The following TRHDE variants were observed in gnomAD, a reference collection of about 807,000 sequenced individuals.
TRHDE encodes the protein thyrotropin releasing hormone degrading enzyme.
Under a neutral mutation model 125.7 loss-of-function variants are expected in TRHDE, and 72 were observed. That is an observed-to-expected ratio of 0.57 (90% CI 0.47 to 0.70). The LOEUF (loss-of-function observed/expected upper bound fraction) is 0.70, where lower values mean the gene tolerates loss of function less well. Ranked by LOEUF, TRHDE falls within the 30% of genes least tolerant of loss-of-function variation. The pLI is 0.00. For missense variants in TRHDE, 1,110 were observed against 1,327.1 expected, an observed-to-expected ratio of 0.84 and a Z score of 2.54; for synonymous variants, 509 against 509.1, an observed-to-expected ratio of 1.00 and a Z score of 0.00.
chr12:72,218,695 C>T (rs969938493), intron 2 of TRHDE, among the ~76,000 whole-genome samples: 3 of 152,098 alleles, frequency 2.0e-5, no homozygotes, highest in Non-Finnish European at 4.4e-5. Flanking sequence ...GTTTTTACTG[C>T]ATACACATAA....
At chr12:72,475,927 GT>G in intron 5 of TRHDE, among the ~76,000 whole-genome samples, 1 of 151,826 alleles carries the variant, frequency 6.6e-6, no homozygotes, top group Non-Finnish European at 1.5e-5. Context: ...TTGTTTTTGT[GT>G]TTTTTTGAGA....
chr12:72,512,143 T>C (rs1270106610), intron 6 of TRHDE, among the ~76,000 whole-genome samples: 1 of 151,924 alleles, frequency 6.6e-6, no homozygotes, highest in Non-Finnish European at 1.5e-5. Flanking sequence ...GGTGATCTCA[T>C]GATATGAGAA....
At chr12:72,433,542 A>G (rs779975951) in intron 3 of TRHDE, among the ~76,000 whole-genome samples, 15 of 151,858 alleles carry the variant, frequency 9.9e-5, no homozygotes, top group Non-Finnish European at 1.6e-4. Flanking sequence ...AGAAAAGGCA[A>G]TTAGGAACTC....
In TRHDE at chr12:72,107,091, A is replaced by G. The variant is rs1389760480; in HGVS notation, n.279+1339A>G. On this transcript the variant is annotated intron_variant and non_coding_transcript_variant, in intron 2 of 4. Transcript: ENST00000548156. Reference sequence around the variant, plus strand: ...TACTCATATTCTAAGTTTTATCTAAATGAATAGTAATGACATGTCTATTTT... The same window carrying G: ...TACTCATATTCTAAGTTTTATCTAAGTGAATAGTAATGACATGTCTATTTT... Among the ~76,000 whole-genome samples, 4 of 152,262 alleles carry G rather than the reference A, an allele frequency of 2.6e-5. No homozygotes were observed. In the East Asian group the frequency reaches 7.7e-4, roughly 29 times the overall value.
intron 8 of TRHDE, among the ~76,000 whole-genome samples, chr12:72,562,434 C>T (rs1467875052): frequency 6.6e-6 from 1 of 151,526 alleles, no homozygotes; most frequent in Non-Finnish European, 1.5e-5. Context: ...GTAAATGATA[C>T]CTCACCTACT....
chr12:72,153,921 G>C (rs1480589403), intron 2 of TRHDE, among the ~76,000 whole-genome samples: 1 of 152,180 alleles, frequency 6.6e-6, no homozygotes, highest in Non-Finnish European at 1.5e-5. Flanking sequence ...TCCGCTTGGT[G>C]CAGAGCTGAG....
intron 2 of TRHDE, among the ~76,000 whole-genome samples, chr12:72,293,425 T>G (rs898026570): frequency 6.6e-6 from 1 of 152,200 alleles, no homozygotes; most frequent in Non-Finnish European, 1.5e-5. Context: ...AGATTACAGA[T>G]GGACCTAGGG....
At chr12:72,185,034 C>G (rs752019129) in intron 2 of TRHDE, among the ~76,000 whole-genome samples, 62 of 152,130 alleles carry the variant, frequency 4.1e-4, no homozygotes, top group African/African-American at 9.9e-4. Context: ...GCAGGGAGGT[C>G]TGGAGGGAGA....
Position 72,099,316 on chromosome 12 carries a change from C to T in TRHDE, n.175-6332C>T, listed in dbSNP as rs563151534. Among the ~76,000 whole-genome samples, 112 of 152,188 alleles carry T rather than the reference C, an allele frequency of 7.4e-4. 1 individual carries two copies. Among genetic ancestry groups the T allele is most frequent in the African/African-American group, 2.3e-3 (97 of 41,514 alleles). On this transcript the variant is annotated intron_variant and non_coding_transcript_variant, in intron 1 of 4. Transcript: ENST00000548156. ...AGTCTAACTAATTTGAATCTATTAGCCCTCCATCATTTCTATGTCAGCATA... is the reference window on the plus strand; with the variant it reads ...AGTCTAACTAATTTGAATCTATTAGTCCTCCATCATTTCTATGTCAGCATA...
chr12:72,536,014 C>T (rs561667225), intron 6 of TRHDE, among the ~76,000 whole-genome samples: 43 of 152,232 alleles, frequency 2.8e-4, no homozygotes, highest in African/African-American at 1.0e-3. Flanking sequence ...ATCCCTTCAC[C>T]TCAGTCTCTC....
intron 3 of TRHDE, among the ~76,000 whole-genome samples, chr12:72,379,066 T>C (rs1281149707): frequency 6.6e-6 from 1 of 152,194 alleles, no homozygotes; most frequent in Non-Finnish European, 1.5e-5. Flanking sequence ...GTTAAAGGTA[T>C]TTCTCATTGG....
Position 72,450,409 on chromosome 12 carries a change from A to C in TRHDE, c.1316-19349A>C, listed in dbSNP as rs1428088744. ...AATTTTTACAATTTATTAATTAACC[A>C]TTATAATTGATAAATAAAAATTGTA... On this transcript the variant is annotated intron_variant, in intron 3 of 18. Coordinates refer to ENST00000261180, the MANE Select transcript of TRHDE (RefSeq NM_013381.3). Among the ~76,000 whole-genome samples the C allele has an allele frequency of 6.6e-5, 10 of 152,192 alleles. No homozygotes were observed. In the East Asian group the frequency reaches 1.7e-3, roughly 26 times the overall value.
chr12:72,437,989 T>C (rs1874820422), intron 3 of TRHDE, among the ~76,000 whole-genome samples: 2 of 151,830 alleles, frequency 1.3e-5, no homozygotes, highest in African/African-American at 4.8e-5. Flanking sequence ...TAAGATCAGC[T>C]TTTTTAGATT....
chr12:72,301,903 G>A (rs1186518971), intron 2 of TRHDE, among the ~76,000 whole-genome samples: 1 of 152,142 alleles, frequency 6.6e-6, no homozygotes, highest in Non-Finnish European at 1.5e-5. Flanking sequence ...AGGCAAGGAG[G>A]CATTGCTTAT....
chr12:72,614,303 T>C (rs1334781888), intron 12 of TRHDE, among the ~76,000 whole-genome samples: 1 of 109,552 alleles, frequency 9.1e-6, no homozygotes, highest in Non-Finnish European at 1.7e-5. Flanking sequence ...CTGGATTATA[T>C]ATACATATGT....
At chr12:72,589,058 A>G (rs1459430757) in intron 12 of TRHDE, among the ~76,000 whole-genome samples, 1 of 152,176 alleles carries the variant, frequency 6.6e-6, no homozygotes, top group Non-Finnish European at 1.5e-5. Flanking sequence ...CGTGGGGATC[A>G]TGCGAACTAC....
At chr12:72,234,349 A>G (rs1229760905) in intron 2 of TRHDE, among the ~76,000 whole-genome samples, 1 of 152,186 alleles carries the variant, frequency 6.6e-6, no homozygotes, top group Non-Finnish European at 1.5e-5. Flanking sequence ...CCTGATTTAT[A>G]GCAATCATTC....
chr12:72,178,952 T>C (rs188242805), intron 2 of TRHDE, among the ~76,000 whole-genome samples: 175 of 152,152 alleles, frequency 1.2e-3, no homozygotes, highest in African/African-American at 4.0e-3. Context: ...TTCTACAAAC[T>C]GAAGATATAT....
chr12:72,635,297 C>T (rs961528475), intron 15 of TRHDE, among the ~76,000 whole-genome samples: 2 of 152,148 alleles, frequency 1.3e-5, no homozygotes, highest in African/African-American at 4.8e-5. Flanking sequence ...GCATAAATGT[C>T]TTCTTTTGAG....
Sources: allele counts gnomAD v4.1 joint callset (sites outside exome capture counted in the v4.1 genomes callset), GRCh38; gene constraint gnomAD v4.1.1; transcripts MANE v1.5; gene names NCBI Gene and HGNC (gene_info 2026-07-23, HGNC 2026-07-21).